Variants in BCL11A observed in about 807,000 individuals in gnomAD.
BCL11A encodes the protein BCL11 transcription factor A, also known as B cell CLL/lymphoma 11A.
BCL11A carries 2 observed loss-of-function variants against 55.9 expected under a neutral mutation model. The observed-to-expected ratio is 0.04, with a 90% CI of 0.01 to 0.11. The LOEUF is 0.11. Among genes scored for constraint, BCL11A ranks in the 10% least tolerant of loss-of-function variants. The pLI is 1.00. For synonymous variants in BCL11A, 465 were observed against 473.4 expected (o/e 0.98, Z 0.23); for missense variants, 817 against 1,137.1 (o/e 0.72, Z 4.05).
chr2:60,490,281 C>T (rs532306412), intron 2 of BCL11A, among the ~76,000 whole-genome samples: 27 of 152,298 alleles, frequency 1.8e-4, no homozygotes, highest in African/African-American at 4.1e-4. Context: ...CCTCACTTAA[C>T]ATCCCCTAGC....
Position 60,531,076 on chromosome 2 carries a change from T to G in BCL11A, c.385+14895A>C, listed in dbSNP as rs571190367. Among the ~76,000 whole-genome samples the G allele has an allele frequency of 1.2e-4, 18 of 152,092 alleles. 1 individual carries two copies. In the South Asian group the frequency reaches 3.7e-3, roughly 32 times the overall value. On this transcript the variant is annotated intron_variant, in intron 2 of 3. Coordinates refer to ENST00000642384, the MANE Select transcript of BCL11A (RefSeq NM_022893.4). ...CTTTGTGCTCCTTCCCTCTTGCCAC[T>G]AACCTCTTTTCTTTACCACCTTCTC...
chr2:60,497,596 A>G (rs979636655), intron 2 of BCL11A, among the ~76,000 whole-genome samples: 1 of 133,100 alleles, frequency 7.5e-6, no homozygotes, highest in African/African-American at 2.9e-5. Flanking sequence ...GCCATATCCT[A>G]TAATGGTGAT....
intron 2 of BCL11A, among the ~76,000 whole-genome samples, chr2:60,516,071 G>C (rs1006775800): frequency 6.6e-6 from 1 of 152,218 alleles, no homozygotes; most frequent in Non-Finnish European, 1.5e-5. Flanking sequence ...AAAAAGGGAA[G>C]CAGGGATTGA....
Position 60,550,795 on chromosome 2 carries a change from C to A in BCL11A, c.55+2421G>T, listed in dbSNP as rs1670378980. 1.3e-5 allele frequency: 5 copies of A among 398,904 alleles called. 1 individual carries two copies. The highest frequency in any genetic ancestry group is 2.2e-5 in the Non-Finnish European group (5 of 226,418). 24.7% of individuals were successfully genotyped at this position (398,904 alleles called of 1,614,324 possible). A position where few individuals can be genotyped will look rare whatever the true frequency, so the allele number is the denominator to read the frequency against. ...GCGCCCCGGTCTGTCCTTTGAGCCC[C>A]CACTGCATCCTTCCGAAGAAGGGCC... On this transcript the variant is annotated intron_variant, in intron 1 of 3. Transcript: ENST00000642384.
At chr2:60,514,216 A>T (rs1383750900) in intron 2 of BCL11A, among the ~76,000 whole-genome samples, 1 of 152,188 alleles carries the variant, frequency 6.6e-6, no homozygotes, top group East Asian at 1.9e-4. Flanking sequence ...GGAAACTGGT[A>T]GCAAAGGAAG....
At chr2:60,541,860 T>C (rs1669939230) in intron 2 of BCL11A, 2 of 690,426 alleles carry the variant, frequency 2.9e-6, no homozygotes, top group Admixed American at 4.6e-5. Context: ...TAGCATACTA[T>C]AATTTATAGT....
chr2:60,512,098 T>C (rs1680020104), intron 2 of BCL11A, among the ~76,000 whole-genome samples: 1 of 152,204 alleles, frequency 6.6e-6, no homozygotes, highest in Non-Finnish European at 1.5e-5. Context: ...TGCAACTTAA[T>C]TCAAACAACT....
chr2:60,487,636 T>C (rs927029259), intron 2 of BCL11A, among the ~76,000 whole-genome samples: 10 of 152,146 alleles, frequency 6.6e-5, no homozygotes, highest in South Asian at 2.1e-4. Flanking sequence ...CCCCTTAAGT[T>C]AGCCCTATTC....
chr2:60,518,505 G>A (rs1668833752), intron 2 of BCL11A, among the ~76,000 whole-genome samples: 1 of 152,178 alleles, frequency 6.6e-6, no homozygotes. Context: ...GAGCAGAAGG[G>A]ACCAGGTAAA....
At chr2:60,514,014 T>C (rs1668609540) in intron 2 of BCL11A, among the ~76,000 whole-genome samples, 1 of 152,208 alleles carries the variant, frequency 6.6e-6, no homozygotes, top group Non-Finnish European at 1.5e-5. Context: ...AAGGACAGAC[T>C]TGAGGGCAGA....
At chr2:60,471,006 T>TC (rs887654074) in intron 2 of BCL11A, among the ~76,000 whole-genome samples, 180 of 152,128 alleles carry the variant, frequency 1.2e-3, no homozygotes, top group African/African-American at 3.9e-3. Flanking sequence ...ATTTGTCTCT[T>TC]CCCCCCTGCT....
At chr2:60,455,092 G>C (rs931363612), downstream of BCL11A, among the ~76,000 whole-genome samples, 1 of 152,186 alleles carries the variant, frequency 6.6e-6, no homozygotes, top group African/African-American at 2.4e-5. Flanking sequence ...ATAGGCACTG[G>C]AAGAGTTTCT....
chr2:60,546,391 C>T lies in BCL11A; in HGVS notation c.56-91G>A, dbSNP rs760984198. On this transcript the variant is annotated intron_variant, in intron 1 of 3. Coordinates refer to ENST00000642384, the MANE Select transcript of BCL11A (RefSeq NM_022893.4). The surrounding 1 kb of genome is among the most constrained non-coding windows in gnomAD (Gnocchi z 4.1). Reference sequence around the variant, plus strand: ...ATCTCAACCCCATGCCATCCCACCACATCATGTAAAGTGTTTCTAGGCTTC... The same window carrying T: ...ATCTCAACCCCATGCCATCCCACCATATCATGTAAAGTGTTTCTAGGCTTC... The T allele has an allele frequency of 9.3e-7, 1 of 1,072,122 alleles. No homozygotes were observed. The highest frequency in any genetic ancestry group is 1.4e-6 in the Non-Finnish European group (1 of 733,620). 66.4% of individuals were successfully genotyped at this position (1,072,122 alleles called of 1,614,324 possible). A position where few individuals can be genotyped will look rare whatever the true frequency, so the allele number is the denominator to read the frequency against.
chr2:60,489,341 T>C (rs889252886), intron 2 of BCL11A, among the ~76,000 whole-genome samples: 1 of 152,226 alleles, frequency 6.6e-6, no homozygotes, highest in African/African-American at 2.4e-5. Context: ...AATAGAGGCA[T>C]TTGGAACCCA....
chr2:60,488,147 G>A (rs539124121), intron 2 of BCL11A, among the ~76,000 whole-genome samples: 4 of 152,256 alleles, frequency 2.6e-5, no homozygotes, highest in South Asian at 2.1e-4. Context: ...TTTGTCTCAC[G>A]GGCTGTTCAA....
chr2:60,491,074 G>A (rs971314121), intron 2 of BCL11A, among the ~76,000 whole-genome samples: 4 of 152,254 alleles, frequency 2.6e-5, no homozygotes, highest in African/African-American at 7.2e-5. Flanking sequence ...CAGACTGTGC[G>A]CCAGGTTGGT....
At chr2:60,509,042 A>C (rs1387765988) in intron 2 of BCL11A, among the ~76,000 whole-genome samples, 1 of 152,220 alleles carries the variant, frequency 6.6e-6, no homozygotes, top group Non-Finnish European at 1.5e-5. Context: ...ACCTCCTCCA[A>C]AGAAAAGTGG....
chr2:60,452,484 A>G (rs1013605908), downstream of BCL11A: 2 of 1,110,870 alleles, frequency 1.8e-6, no homozygotes, highest in African/African-American at 1.5e-5. Context: ...GGCTACTGTC[A>G]GAAAACATCA....
Position 60,462,017 on chromosome 2 carries a change from T to A in BCL11A, c.895A>T (p.Arg299Trp), listed in dbSNP as rs1299094706. ...GCCATTGGATTCAACCGCAGCACCC[T>A]GTCAAAGGCACTCGGGTGATGGGTG... ...LATHHPSAFD[R>W]VLRLNPMAME... Residue 299 changes from arginine (R) to tryptophan (W), a missense_variant, in exon 4 of 4, where the codon AGG becomes TGG. Arg to Trp is a moderately radical substitution (Grantham distance 101, BLOSUM62 -3). Coordinates refer to ENST00000642384, the MANE Select transcript of BCL11A (RefSeq NM_022893.4). 1 of 1,612,428 alleles carries A rather than the reference T, an allele frequency of 6.2e-7. No individual in the cohort carries two copies. The highest frequency in any genetic ancestry group is 1.7e-5 in the Admixed American group (1 of 59,892).
Sources: gnomAD v4.1 joint callset for allele counts (sites outside exome capture counted in the v4.1 genomes callset) on GRCh38, gnomAD v4.1.1 for gene constraint, Gnocchi (gnomAD v3.1) non-coding constraint, MANE v1.5 for transcripts, NCBI Gene and HGNC (gene_info 2026-07-23, HGNC 2026-07-21) for gene names.